CCDC88C: variants seen among roughly 807,000 people sequenced by gnomAD.
CCDC88C encodes the protein protein Daple.
Under a neutral mutation model 198.8 loss-of-function variants are expected in CCDC88C, and 131 were observed. The observed-to-expected ratio is 0.66, with a 90% CI of 0.57 to 0.76. The LOEUF (loss-of-function observed/expected upper bound fraction) is 0.76, where lower values mean the gene tolerates loss of function less well. Ranked by LOEUF, CCDC88C falls within the 30% of genes least tolerant of loss-of-function variation. CCDC88C has a pLI of 0.00. For synonymous variants in CCDC88C, 1,166 were observed against 1,114.7 expected (o/e 1.05, Z -0.92); for missense variants, 2,553 against 2,631.6 (o/e 0.97, Z 0.65).
In CCDC88C at chr14:91,303,992, G is replaced by C; in HGVS notation, c.3358-14C>G. On this transcript the variant is annotated splice_polypyrimidine_tract_variant and intron_variant, in intron 19 of 29. Transcript: ENST00000389857. Reference sequence around the variant, plus strand: ...GGAGTTCTCCACCTGCCGAGAGGGAGAAGCGCGGCGTGGCGCAGGCCCCAC... The same window carrying C: ...GGAGTTCTCCACCTGCCGAGAGGGACAAGCGCGGCGTGGCGCAGGCCCCAC... 1 of 1,593,180 alleles carries C rather than the reference G, an allele frequency of 6.3e-7. No individual in the cohort carries two copies. The highest frequency in any genetic ancestry group is 1.1e-5 in the South Asian group (1 of 90,922).
rs764392628 is a variant in CCDC88C, at chr14:91,305,799, T to C, written c.3323A>G (p.Asn1108Ser). 6.2e-7 allele frequency: 1 copy of C among 1,613,602 alleles called. No homozygotes were observed. The highest frequency in any genetic ancestry group is 1.7e-5 in the Admixed American group (1 of 60,010). ...QKQSAFLQEH[N>S]TTLQTQTAKL... ...GGCGGTCTGGGTCTGCAGTGTGGTG[T>C]TGTGCTCCTGCAGGAAGGCGCTCTG... Residue 1108 changes from asparagine to serine, a missense_variant, in exon 19 of 30, where the codon AAC becomes AGC. This residue lies in a region of CCDC88C where 1,260 missense variants were observed against 1,412.0 expected (regional missense o/e 0.89). Transcript: ENST00000389857.
chr14:91,279,324 T>A lies in CCDC88C; in HGVS notation c.4700-18A>T, dbSNP rs748362063. The A allele has an allele frequency of 6.3e-7, 1 of 1,581,402 alleles. No homozygotes were observed. Among genetic ancestry groups the A allele is most frequent in the Non-Finnish European group, 8.6e-7 (1 of 1,161,510 alleles). On this transcript the variant is annotated intron_variant, in intron 27 of 29. Coordinates refer to ENST00000389857, the MANE Select transcript of CCDC88C (RefSeq NM_001080414.4). The stretch of plus-strand genomic sequence containing the variant: ...CCGCGACACTGAAAGGAAATGGCAG[T>A]GTTAAAATTAAAAAGCCAATGACCA...
intron 2 of CCDC88C, among the ~76,000 whole-genome samples, chr14:91,415,376 TAA>T (rs11306458): frequency 0.023 from 3,369 of 148,310 alleles, 117 homozygotes; most frequent in African/African-American, 0.076. Context: ...CTGTGAACTT[TAA>T]AAAAAAAAAA....
intron 23 of CCDC88C, among the ~76,000 whole-genome samples, chr14:91,292,667 T>C (rs914503343): frequency 1.3e-5 from 2 of 152,070 alleles, no homozygotes; most frequent in African/African-American, 4.8e-5. Flanking sequence ...CTTCTTGCCT[T>C]CCCCACACTG....
At chr14:91,346,337 T>TA (rs1449514385) in intron 4 of CCDC88C, among the ~76,000 whole-genome samples, 1 of 152,218 alleles carries the variant, frequency 6.6e-6, no homozygotes, top group Non-Finnish European at 1.5e-5. Context: ...CCACAGGGTC[T>TA]AAGGCCACTT....
rs752384302 is a variant in CCDC88C at position 91,313,645 on chromosome 14, G to A, written c.2171C>T (p.Ala724Val). The part of the protein sequence containing the change: ...ETMRFTSTKL[A>V]QMERENQQLE... The stretch of plus-strand genomic sequence containing the variant: ...CTGCTGGTTCTCCCTCTCCATCTGT[G>A]CCAGCTTGGTGCTGGTGAAGCGCAT... The change falls in exon 15 of 30, where the codon GCA (alanine) becomes GTA (valine). Residue 724 changes from alanine to valine, a missense_variant. Physicochemically the swap from Ala to Val is moderately conservative, Grantham distance 64. Around this residue, in one of 2 missense-constraint regions of CCDC88C, gnomAD observed 1,260 missense variants for 1,412.0 expected, o/e 0.89. Coordinates refer to ENST00000389857, the MANE Select transcript of CCDC88C (RefSeq NM_001080414.4). This position sits in a 1 kb window ranked among gnomAD's most constrained non-coding sequence, Gnocchi z 5.2. 107 of 1,612,326 alleles carry A rather than the reference G, an allele frequency of 6.6e-5. No individual in the cohort carries two copies. The highest frequency in any genetic ancestry group is 8.5e-5 in the Non-Finnish European group (100 of 1,179,884).
At chr14:91,278,889 CTTTTTT>C (rs10671669) in intron 28 of CCDC88C, among the ~76,000 whole-genome samples, 641 of 54,456 alleles carry the variant, frequency 0.012, 6 homozygotes, top group African/African-American at 0.047. Context: ...ACCAAATACA[CTTTTTT>C]TTTTTTTTTT....
rs1173237177 is a variant in CCDC88C at position 91,338,355 on chromosome 14, T to C, written c.891+134A>G. The C allele has an allele frequency of 2.2e-5, 21 of 973,076 alleles. No homozygotes were observed. Among genetic ancestry groups the C allele is most frequent in the Non-Finnish European group, 2.7e-5 (17 of 639,854 alleles). The allele number at this position is 973,076 out of a possible 1,614,324, so 60.3% of individuals were successfully genotyped here. On this transcript the variant is annotated intron_variant, in intron 9 of 29. Transcript: ENST00000389857. This position sits in a 1 kb window ranked among gnomAD's most constrained non-coding sequence, Gnocchi z 4.8. ...TCACTAAGAAACAGGGTCATCCCCATAGCCGTGCTCAGGACAAGTGGCTCT... is the reference window on the plus strand; with the variant it reads ...TCACTAAGAAACAGGGTCATCCCCACAGCCGTGCTCAGGACAAGTGGCTCT...
intron 3 of CCDC88C, among the ~76,000 whole-genome samples, chr14:91,402,636 G>T (rs1363784558): frequency 6.6e-6 from 1 of 152,192 alleles, no homozygotes; most frequent in East Asian, 1.9e-4. Context: ...ACCCCAGGAA[G>T]GGAGAGGACA....
At chr14:91,283,771 C>A in intron 25 of CCDC88C, 1 of 544,846 alleles carries the variant, frequency 1.8e-6, no homozygotes, top group Non-Finnish European at 3.3e-6. Context: ...TACTGCCAGC[C>A]CTGAGAGGCT....
chr14:91,412,330 AG>A (rs1380099903), intron 2 of CCDC88C, among the ~76,000 whole-genome samples: 1 of 152,232 alleles, frequency 6.6e-6, no homozygotes, highest in African/African-American at 2.4e-5. Flanking sequence ...GGAAGGCACT[AG>A]AATATTGACA....
intron 22 of CCDC88C, among the ~76,000 whole-genome samples, chr14:91,295,429 G>GC (rs951869653): frequency 2.6e-5 from 4 of 152,230 alleles, no homozygotes; most frequent in Non-Finnish European, 5.9e-5. Context: ...CACAAACGTG[G>GC]CAAGTCAGCG....
Position 91,309,609 on chromosome 14 carries a change from CA to C in CCDC88C, c.2864+249del, listed in dbSNP as rs376702299. ...TGGACAACAGAGCCAGACCCTGTCT[CA>C]AAAAAAAAAAAAAAAAAATTAAGAA... On this transcript the variant is annotated intron_variant, in intron 16 of 29. Coordinates refer to ENST00000389857, the MANE Select transcript of CCDC88C (RefSeq NM_001080414.4). Among the ~76,000 whole-genome samples, 981 of 114,370 alleles carry C rather than the reference CA, an allele frequency of 8.6e-3. 7 individuals are homozygous for C. Among genetic ancestry groups the C allele is most frequent in the African/African-American group, 0.018 (568 of 31,378 alleles). 75.0% of individuals were successfully genotyped at this position (114,370 alleles called of 152,430 possible).
intron 13 of CCDC88C, among the ~76,000 whole-genome samples, chr14:91,317,831 A>G (rs894846462): frequency 3.9e-5 from 6 of 151,948 alleles, no homozygotes; most frequent in African/African-American, 1.5e-4. Flanking sequence ...CAGCATAAGG[A>G]GTTGTGGTGG....
chr14:91,409,942 A>C (rs1205555288), intron 2 of CCDC88C, among the ~76,000 whole-genome samples: 1 of 152,216 alleles, frequency 6.6e-6, no homozygotes, highest in Non-Finnish European at 1.5e-5. Flanking sequence ...TGGCATAAAC[A>C]ATCTATGGCA....
At chr14:91,351,232 T>C (rs1893774970) in intron 4 of CCDC88C, among the ~76,000 whole-genome samples, 3 of 152,230 alleles carry the variant, frequency 2.0e-5, no homozygotes, top group Admixed American at 6.5e-5. Flanking sequence ...AACCACTAAC[T>C]GCTTTCCCTG....
chr14:91,354,194 C>A (rs1893938303), intron 4 of CCDC88C, among the ~76,000 whole-genome samples: 1 of 152,176 alleles, frequency 6.6e-6, no homozygotes, highest in Non-Finnish European at 1.5e-5. Flanking sequence ...TGGATACAAA[C>A]CCTGGAAGAA....
Position 91,408,713 on chromosome 14 carries a change from G to T in CCDC88C, c.216C>A (p.Asn72Lys), listed in dbSNP as rs760969993. The change falls in exon 3 of 30, where the codon AAC (asparagine) becomes AAA (lysine). Residue 72 changes from asparagine to lysine, a missense_variant. Physicochemically the swap from Asn to Lys is moderately conservative, Grantham distance 94 (BLOSUM62 0). Coordinates refer to ENST00000389857, the MANE Select transcript of CCDC88C (RefSeq NM_001080414.4). ...AGATGGTCAAATTCTGAATGCGAAGGTTCACATCATTGTTGACGTGCTTAT... is the reference window on the plus strand; with the variant it reads ...AGATGGTCAAATTCTGAATGCGAAGTTTCACATCATTGTTGACGTGCTTAT... ...RINKHVNNDV[N>K]LRIQNLTILV... 1.2e-5 allele frequency: 19 copies of T among 1,613,716 alleles called. No individual in the cohort carries two copies.
At chr14:91,286,638 G>A (rs1357388562) in intron 25 of CCDC88C, among the ~76,000 whole-genome samples, 3 of 152,178 alleles carry the variant, frequency 2.0e-5, no homozygotes, top group Non-Finnish European at 2.9e-5. Flanking sequence ...CCACCTGGTG[G>A]CCACAGTGGC....
Sources: allele counts gnomAD v4.1 joint callset (sites outside exome capture counted in the v4.1 genomes callset), GRCh38; gene constraint gnomAD v4.1.1; regional missense constraint gnomAD v4.1.1; non-coding constraint Gnocchi (gnomAD v3.1); transcripts MANE v1.5; gene names NCBI Gene and HGNC (gene_info 2026-07-23, HGNC 2026-07-21).